Variants in CADM2 observed in about 807,000 individuals in gnomAD.
CADM2 encodes immunoglobulin superfamily member 4D.
A neutral mutation model predicts 49.8 loss-of-function variants in CADM2; 12 were observed. That is an observed-to-expected ratio of 0.24 (90% confidence interval 0.15 to 0.39). CADM2 has a LOEUF of 0.39. Ranked by LOEUF, CADM2 falls within the 10% of genes least tolerant of loss-of-function variation. The pLI is 1.00. For missense variants in CADM2, 378 were observed against 492.3 expected, an observed-to-expected ratio of 0.77 and a Z score of 2.20; for synonymous variants, 214 against 175.4, an observed-to-expected ratio of 1.22 and a Z score of -1.74.
intron 1 of CADM2, among the ~76,000 whole-genome samples, chr3:85,388,099 A>G (rs1192816090): frequency 1.3e-5 from 2 of 152,220 alleles, no homozygotes; most frequent in East Asian, 3.9e-4. Context: ...TGCCATCACA[A>G]CCTACTGCAG....
rs141257015 is a variant in CADM2 at position 85,254,381 on chromosome 3, G to A, written c.61+294713G>A. Among the ~76,000 whole-genome samples, 424 of 151,980 alleles carry A rather than the reference G, an allele frequency of 2.8e-3. 2 individuals carry two copies. Among genetic ancestry groups the A allele is most frequent in the African/African-American group, 9.8e-3 (407 of 41,460 alleles). On this transcript the variant is annotated intron_variant, in intron 1 of 9. Transcript: ENST00000383699. ...TATGAGGACTTCATTGTGTAATCAT[G>A]GTTGATTAAGTCATTGGTCATTGGT...
intron 1 of CADM2, among the ~76,000 whole-genome samples, chr3:85,057,539 A>G (rs571072381): frequency 1.3e-5 from 2 of 152,256 alleles, no homozygotes; most frequent in African/African-American, 2.4e-5. Context: ...ATTTAAATAT[A>G]GAATCTGTTT....
intron 1 of CADM2, among the ~76,000 whole-genome samples, chr3:85,636,309 C>T (rs2064479370): frequency 1.3e-5 from 2 of 151,854 alleles, no homozygotes; most frequent in East Asian, 1.9e-4. Context: ...GTGTTTTTGC[C>T]TTGGTTTATA....
chr3:85,566,968 A>C (rs17519948), intron 1 of CADM2, among the ~76,000 whole-genome samples: 78,022 of 152,008 alleles, frequency 0.51, 23,066 homozygotes, highest in East Asian at 0.85. Context: ...TTTAAATTGG[A>C]TTCTAGAAAG....
chr3:84,983,659 G>C (rs1375923402), intron 1 of CADM2, among the ~76,000 whole-genome samples: 2 of 152,212 alleles, frequency 1.3e-5, no homozygotes, highest in East Asian at 3.9e-4. Flanking sequence ...ATGGCCTTCA[G>C]TGAATATTAT....
rs1381103096 is a variant in CADM2 at position 86,067,312 on chromosome 3, A to G, written c.*529A>G. On this transcript the variant is annotated 3_prime_UTR_variant, in exon 10 of 10. Coordinates refer to ENST00000383699, the MANE Select transcript of CADM2 (RefSeq NM_001167675.2). ...TTTGGAAACATATGTCCTAGAAAAC[A>G]TAAAATTAAAAAAAAACACTATAGT... The G allele has an allele frequency of 6.5e-6, 1 of 152,728 alleles. No individual in the cohort carries two copies. 9.5% of individuals were successfully genotyped at this position (152,728 alleles called of 1,614,324 possible).
intron 1 of CADM2, among the ~76,000 whole-genome samples, chr3:85,230,789 G>GTTTTCTTT (rs1559733312): frequency 6.6e-6 from 1 of 151,880 alleles, no homozygotes; most frequent in Non-Finnish European, 1.5e-5. Context: ...TTGTGTGTTT[G>GTTTTCTTT]TTTTCTTTTT....
rs73142888 is a variant in CADM2, at chr3:85,812,453, C to T, written c.238+10257C>T. ...TTGGTGACATACTGATTTCTGGTGA[C>T]ATAGTGTCTCCATGTTGAATAGACT... is the stretch of plus-strand genomic sequence containing the variant. On this transcript the variant is annotated intron_variant, in intron 3 of 9. Coordinates refer to ENST00000383699, the MANE Select transcript of CADM2 (RefSeq NM_001167675.2). Among the ~76,000 whole-genome samples the T allele has an allele frequency of 8.6e-3, 1,307 of 152,196 alleles. 14 individuals are homozygous for T. Among genetic ancestry groups the T allele is most frequent in the Middle Eastern group, 0.041 (12 of 294 alleles).
intron 1 of CADM2, among the ~76,000 whole-genome samples, chr3:85,648,169 C>G (rs2064943475): frequency 6.6e-6 from 1 of 151,896 alleles, no homozygotes; most frequent in Non-Finnish European, 1.5e-5. Context: ...AATTTCCCAT[C>G]TCTTCACTTC....
At chr3:85,721,614 G>C (rs144367305) in intron 1 of CADM2, among the ~76,000 whole-genome samples, 1 of 152,284 alleles carries the variant, frequency 6.6e-6, no homozygotes, top group South Asian at 2.1e-4. Flanking sequence ...CCAGCTCTCC[G>C]TGAGGCTGCA....
intron 1 of CADM2, among the ~76,000 whole-genome samples, chr3:85,197,033 C>T (rs749350474): frequency 2.7e-4 from 41 of 151,856 alleles, no homozygotes; most frequent in Non-Finnish European, 4.1e-4. Context: ...ACCTTTGCTA[C>T]GTTTTAGGAC....
chr3:85,842,211 G>A (rs1334335597), intron 3 of CADM2, among the ~76,000 whole-genome samples: 1 of 152,016 alleles, frequency 6.6e-6, no homozygotes, highest in Admixed American at 6.6e-5. Context: ...TGTTCTGCGA[G>A]GTCCCACACT....
intron 1 of CADM2, among the ~76,000 whole-genome samples, chr3:85,521,819 A>G (rs1006407349): frequency 3.0e-4 from 46 of 152,192 alleles, no homozygotes; most frequent in Admixed American, 9.8e-4. Context: ...ATCGAAAAGG[A>G]CATAGAAAGC....
chr3:84,974,680 C>T (rs1281441310), intron 1 of CADM2, among the ~76,000 whole-genome samples: 1 of 151,866 alleles, frequency 6.6e-6, no homozygotes, highest in Non-Finnish European at 1.5e-5. Flanking sequence ...TACTAACCAA[C>T]TAAGTTTATA....
chr3:85,052,496 G>A (rs150320891), intron 1 of CADM2, among the ~76,000 whole-genome samples: 8 of 152,040 alleles, frequency 5.3e-5, no homozygotes, highest in Admixed American at 2.0e-4. Context: ...CTGGCCACAC[G>A]GGTTCATTTT....
In CADM2 at chr3:85,380,044, A is replaced by C. The variant is rs573370572; in HGVS notation, c.62-346478A>C. On this transcript the variant is annotated intron_variant, in intron 1 of 9. Transcript: ENST00000383699. ...TGTCCAATGACAAGCAAAGAGTTTG[A>C]TATCTTTTCAAAGAGTAGAGTTGAA... Among the ~76,000 whole-genome samples, 107 of 152,160 alleles carry C rather than the reference A, an allele frequency of 7.0e-4. 1 individual carries two copies. The highest frequency in any genetic ancestry group is 2.4e-3 in the African/African-American group (98 of 41,566).
intron 1 of CADM2, among the ~76,000 whole-genome samples, chr3:85,110,530 A>G (rs1165267354): frequency 6.6e-6 from 1 of 151,932 alleles, no homozygotes; most frequent in Non-Finnish European, 1.5e-5. Context: ...ATTACAAATC[A>G]TATGTTATAG....
chr3:85,671,777 A>G (rs1694426266), intron 1 of CADM2, among the ~76,000 whole-genome samples: 1 of 152,134 alleles, frequency 6.6e-6, no homozygotes, highest in Non-Finnish European at 1.5e-5. Flanking sequence ...CTCTGTTTAA[A>G]ATTTATCTTC....
chr3:85,845,074 T>G (rs2074814208), intron 3 of CADM2, among the ~76,000 whole-genome samples: 1 of 149,574 alleles, frequency 6.7e-6, no homozygotes, highest in African/African-American at 2.5e-5. Flanking sequence ...GAGGTTCACT[T>G]GAGCCCAGGA....
Sources: gnomAD v4.1 joint callset for allele counts (sites outside exome capture counted in the v4.1 genomes callset) on GRCh38, gnomAD v4.1.1 for gene constraint, MANE v1.5 for transcripts, NCBI Gene and HGNC (gene_info 2026-07-23, HGNC 2026-07-21) for gene names.